The following CDH23 variants were observed in gnomAD, a reference collection of about 807,000 sequenced individuals.
The protein encoded by CDH23 is cadherin related 23.
Under a neutral mutation model 317.1 loss-of-function variants are expected in CDH23, and 189 were observed. That is an observed-to-expected ratio of 0.60 (90% CI 0.53 to 0.67). CDH23 has a LOEUF of 0.67. CDH23 is among the 30% of genes least tolerant of loss of function. The probability of loss-of-function intolerance (pLI) is 0.00; values close to 1 mark genes in which losing one functional copy is unlikely to be tolerated. For synonymous variants in CDH23, 1,839 were observed against 1,876.8 expected (o/e 0.98, Z 0.52); for missense variants, 4,401 against 4,592.4 (o/e 0.96, Z 1.20).
intron 6 of CDH23, among the ~76,000 whole-genome samples, chr10:71,521,320 T>C (rs1336314048): frequency 6.6e-6 from 1 of 152,068 alleles, no homozygotes; most frequent in Admixed American, 6.5e-5. Flanking sequence ...CCAATCCTGC[T>C]CCCAAGAGAG....
At chr10:71,416,398 C>T (rs576477028) in intron 1 of CDH23, among the ~76,000 whole-genome samples, 58 of 152,296 alleles carry the variant, frequency 3.8e-4, no homozygotes, top group African/African-American at 1.4e-3. Context: ...CTTTGGAACA[C>T]TTTAACTCCA....
intron 14 of CDH23, among the ~76,000 whole-genome samples, chr10:71,666,485 A>G (rs1863902058): frequency 6.6e-6 from 1 of 151,850 alleles, no homozygotes; most frequent in African/African-American, 2.4e-5. Flanking sequence ...GCTTCCCACC[A>G]CACTTCCCCT....
intron 53 of CDH23, 51 bp downstream of exon 53, chr10:71,800,806 G>A (rs1205566682): frequency 6.3e-7 from 1 of 1,597,764 alleles, no homozygotes; most frequent in Non-Finnish European, 8.5e-7. Flanking sequence ...GGTTGTGGAG[G>A]CAACAAGCAA....
At chr10:71,515,501 T>TCA (rs918820456) in intron 6 of CDH23, among the ~76,000 whole-genome samples, 1 of 150,746 alleles carries the variant, frequency 6.6e-6, no homozygotes, top group African/African-American at 2.5e-5. Context: ...AGCCCACATC[T>TCA]CACCTACCAT....
intron 3 of CDH23, among the ~76,000 whole-genome samples, chr10:71,449,863 C>T (rs1032754449): frequency 6.6e-6 from 1 of 152,218 alleles, no homozygotes; most frequent in Non-Finnish European, 1.5e-5. Flanking sequence ...CCTCACAGAG[C>T]CTACGTGTTC....
At chr10:71,519,461 G>T (rs899321600) in intron 6 of CDH23, among the ~76,000 whole-genome samples, 11 of 152,378 alleles carry the variant, frequency 7.2e-5, no homozygotes, top group South Asian at 4.1e-4. Flanking sequence ...CACCCCAAGT[G>T]GGGGCAGACT....
intron 3 of CDH23, chr10:71,508,284 A>C (rs565352285): frequency 1.3e-5 from 2 of 152,222 alleles, no homozygotes; most frequent in Non-Finnish European, 2.9e-5. Context: ...CTGATAGGTC[A>C]TGTCCATGAA....
intron 6 of CDH23, among the ~76,000 whole-genome samples, chr10:71,541,451 C>T (rs1038831639): frequency 6.6e-6 from 1 of 152,254 alleles, no homozygotes; most frequent in Non-Finnish European, 1.5e-5. Flanking sequence ...GGCCCTGGCC[C>T]TGGGCTAGAG....
At chr10:71,565,267 C>T (rs1481964574) in intron 6 of CDH23, among the ~76,000 whole-genome samples, 3 of 152,138 alleles carry the variant, frequency 2.0e-5, no homozygotes, top group Non-Finnish European at 4.4e-5. Context: ...GGGGAAAGTT[C>T]TACCCCTAGG....
At chr10:71,737,660 T>C (rs1839604695) in intron 34 of CDH23, 1 of 467,378 alleles carries the variant, frequency 2.1e-6, no homozygotes. Flanking sequence ...AGAAGGCCTG[T>C]CCTGGGATAC....
rs745528904 is a variant in CDH23, at chr10:71,793,564, C to T, written c.6636C>T (p.Val2212=). 24 of 1,612,804 alleles carry T rather than the reference C, an allele frequency of 1.5e-5. No individual in the cohort carries two copies. The highest frequency in any genetic ancestry group is 1.6e-4 in the Middle Eastern group (1 of 6,084). ...ACCCAAAGCTAGAGTACCACATTGT[C>T]GGCATTGTGGCCAAGGACGACACTG... The part of the protein sequence containing the change: ...DLNPKLEYHI[V]GIVAKDDTDR... The change falls in exon 48 of 70, where the codon GTC becomes GTT. Residue 2212 remains valine, a synonymous_variant. Transcript: ENST00000224721.
At chr10:71,759,671 G>A (rs1272213746) in intron 38 of CDH23, among the ~76,000 whole-genome samples, 1 of 151,882 alleles carries the variant, frequency 6.6e-6, no homozygotes, top group Admixed American at 6.6e-5. Flanking sequence ...GCCAGGCATT[G>A]TGGTGCACGC....
At chr10:71,414,827 G>C (rs1564565704) in intron 1 of CDH23, among the ~76,000 whole-genome samples, 1 of 152,140 alleles carries the variant, frequency 6.6e-6, no homozygotes, top group African/African-American at 2.4e-5. Flanking sequence ...GCCATGTGAG[G>C]TTAGATTTCT....
In CDH23 at chr10:71,658,714, G is replaced by C. The variant is rs1331348584; in HGVS notation, c.1449+12097G>C. On this transcript the variant is annotated intron_variant, in intron 14 of 69. Transcript: ENST00000224721. ...AAGAAGCTGGGGCCCGGAGAGGTGA[G>C]CGGCGTGTCCCAGGCCAGCCAGTTA... Among the ~76,000 whole-genome samples the C allele has an allele frequency of 2.0e-5, 3 of 152,142 alleles. No homozygotes were observed. The East Asian group carries it at 5.8e-4, about 29-fold the overall frequency.
At chr10:71,735,438 A>G (rs1230618660) in intron 34 of CDH23, among the ~76,000 whole-genome samples, 4 of 152,080 alleles carry the variant, frequency 2.6e-5, no homozygotes, top group Non-Finnish European at 5.9e-5. Context: ...TGGGGTTGCA[A>G]TGGGAGTGGG....
At chr10:71,413,938 TC>T (rs1848434112) in intron 1 of CDH23, among the ~76,000 whole-genome samples, 1 of 151,940 alleles carries the variant, frequency 6.6e-6, no homozygotes, top group Non-Finnish European at 1.5e-5. Context: ...GGAACTGTTT[TC>T]CTTATTTCCT....
chr10:71,448,636 G>A (rs1850286779), intron 3 of CDH23, among the ~76,000 whole-genome samples: 1 of 152,164 alleles, frequency 6.6e-6, no homozygotes, highest in African/African-American at 2.4e-5. Context: ...TGTAACCTTG[G>A]GCACAGCACT....
In CDH23 at chr10:71,740,936, G is replaced by A; in HGVS notation, c.4603G>A (p.Val1535Ile). ...CATCGAGAGCCCCTTTGGATACAAT[G>A]TCAGTGTGAATGAGGTGAGGGCAGC... ...PVIESPFGYNVSVNENVGGGT... is the reference protein window; with the variant it reads ...PVIESPFGYNISVNENVGGGT... Residue 1535 changes from valine to isoleucine, a missense_variant, in exon 37 of 70, where the codon GTC becomes ATC. Around this residue, in one of 3 missense-constraint regions of CDH23, gnomAD observed 3,068 missense variants for 3,203.3 expected, o/e 0.96. Coordinates refer to ENST00000224721, the MANE Select transcript of CDH23 (RefSeq NM_022124.6). 6.2e-7 allele frequency: 1 copy of A among 1,613,952 alleles called. No individual in the cohort carries two copies. The highest frequency in any genetic ancestry group is 8.5e-7 in the Non-Finnish European group (1 of 1,179,868).
chr10:71,704,765 G>C (rs1187562696), intron 24 of CDH23, 146 bp from the exon 25 acceptor site: 2 of 679,476 alleles, frequency 2.9e-6, no homozygotes, highest in East Asian at 5.4e-5. Context: ...CCTGGGGACA[G>C]TGGCCTGGCC....
Sources: allele counts gnomAD v4.1 joint callset (sites outside exome capture counted in the v4.1 genomes callset), GRCh38; gene constraint gnomAD v4.1.1; regional missense constraint gnomAD v4.1.1; transcripts MANE v1.5; gene names NCBI Gene and HGNC (gene_info 2026-07-23, HGNC 2026-07-21).